Variants in SOX6 observed in about 807,000 individuals in gnomAD.
SOX6 encodes transcription factor SOX-6.
A neutral mutation model predicts 97.8 loss-of-function variants in SOX6; 11 were observed. The ratio of observed to expected loss-of-function variants is 0.11; its 90% CI spans 0.07 to 0.19. The LOEUF (loss-of-function observed/expected upper bound fraction) is 0.19. SOX6 is among the 10% of genes least tolerant of loss of function. The pLI is 1.00. For synonymous variants in SOX6, 360 were observed against 371.4 expected (o/e 0.97, Z 0.35); for missense variants, 810 against 1,039.5 (o/e 0.78, Z 3.04).
chr11:16,155,745 T>C (rs1419887250), intron 6 of SOX6, among the ~76,000 whole-genome samples: 1 of 152,142 alleles, frequency 6.6e-6, no homozygotes, highest in African/African-American at 2.4e-5. Flanking sequence ...TCTATTGCTT[T>C]CCCATGCCAT....
At chr11:16,717,271 G>A (rs1848225968) in intron 2 of SOX6, among the ~76,000 whole-genome samples, 1 of 152,088 alleles carries the variant, frequency 6.6e-6, no homozygotes, top group Non-Finnish European at 1.5e-5. Context: ...GGCTCTGTGA[G>A]AAGTTAGGTG....
At chr11:16,502,528 TA>T (rs931254559) in intron 4 of SOX6, among the ~76,000 whole-genome samples, 1 of 151,912 alleles carries the variant, frequency 6.6e-6, no homozygotes, top group African/African-American at 2.4e-5. Flanking sequence ...TAAATATCAT[TA>T]AAAAAATTCT....
At chr11:16,606,054 T>G (rs1459303392) in intron 4 of SOX6, 1 of 151,902 alleles carries the variant, frequency 6.6e-6, no homozygotes, top group East Asian at 1.9e-4. Flanking sequence ...TAAGGTCGAT[T>G]TACATGACCT....
intron 7 of SOX6, among the ~76,000 whole-genome samples, chr11:16,107,499 C>T (rs1422953346): frequency 6.7e-6 from 1 of 149,394 alleles, no homozygotes; most frequent in Non-Finnish European, 1.5e-5. Flanking sequence ...TATGGATGGA[C>T]CTTGAAATGT....
intron 2 of SOX6, among the ~76,000 whole-genome samples, chr11:16,332,002 G>A (rs764701880): frequency 3.9e-5 from 6 of 152,128 alleles, no homozygotes; most frequent in South Asian, 2.1e-4. Context: ...TTGACCTACC[G>A]TGTCATCCAA....
intron 1 of SOX6, among the ~76,000 whole-genome samples, chr11:16,378,855 C>A (rs1413940248): frequency 6.6e-6 from 1 of 151,886 alleles, no homozygotes; most frequent in Non-Finnish European, 1.5e-5. Context: ...ACTATTTTAG[C>A]ATATAAAGAC....
intron 3 of SOX6, among the ~76,000 whole-genome samples, chr11:16,662,825 A>T (rs1047264248): frequency 1.4e-4 from 22 of 152,076 alleles, no homozygotes; most frequent in African/African-American, 5.3e-4. Flanking sequence ...TCCTGAGTAG[A>T]TCTGACTAAA....
chr11:16,455,836 A>G (rs948047630), intron 1 of SOX6, among the ~76,000 whole-genome samples: 11 of 152,226 alleles, frequency 7.2e-5, no homozygotes, highest in Admixed American at 7.2e-4. Context: ...TGTATTTATT[A>G]CTATTAACAT....
At chr11:15,979,065 A>ATATATATAT (rs59143054) in intron 15 of SOX6, among the ~76,000 whole-genome samples, 6 of 140,600 alleles carry the variant, frequency 4.3e-5, no homozygotes, top group South Asian at 2.2e-4. Flanking sequence ...ATATATATAT[A>ATATATATAT]AAACTGCTTA....
At chr11:16,544,857 T>C (rs1847599197) in intron 4 of SOX6, among the ~76,000 whole-genome samples, 1 of 152,056 alleles carries the variant, frequency 6.6e-6, no homozygotes. Flanking sequence ...TAAAATGTAC[T>C]CCATATCTTG....
At chr11:16,737,862 T>C (rs1012168814) in intron 1 of SOX6, among the ~76,000 whole-genome samples, 1 of 152,120 alleles carries the variant, frequency 6.6e-6, no homozygotes, top group South Asian at 2.1e-4. Context: ...TTTTAAAAAA[T>C]GGTTAATTTT....
intron 4 of SOX6, among the ~76,000 whole-genome samples, chr11:16,528,311 A>G (rs913306725): frequency 6.6e-6 from 1 of 152,158 alleles, no homozygotes; most frequent in Non-Finnish European, 1.5e-5. Context: ...TGTGTTTTAC[A>G]TAAGTTATCT....
intron 1 of SOX6, among the ~76,000 whole-genome samples, chr11:16,461,661 C>T (rs1276679913): frequency 6.6e-6 from 1 of 152,120 alleles, no homozygotes; most frequent in African/African-American, 2.4e-5. Context: ...TCTCAGAGAA[C>T]ATGAAAAAGT....
At chr11:16,637,157 C>A (rs1459799248) in intron 3 of SOX6, among the ~76,000 whole-genome samples, 4 of 152,016 alleles carry the variant, frequency 2.6e-5, no homozygotes, top group Non-Finnish European at 4.4e-5. Context: ...CATTTATATT[C>A]TTAATTTATT....
chr11:16,734,574 C>A (rs767655519), intron 2 of SOX6, among the ~76,000 whole-genome samples: 13 of 152,114 alleles, frequency 8.5e-5, no homozygotes, highest in Admixed American at 5.9e-4. Flanking sequence ...TCCTTGTTGA[C>A]CCACCACCTC....
chr11:16,351,510 G>A (rs1590149693), intron 1 of SOX6, among the ~76,000 whole-genome samples: 1 of 151,978 alleles, frequency 6.6e-6, no homozygotes, highest in African/African-American at 2.4e-5. Flanking sequence ...CCACTCTCCT[G>A]ATCAAAAAAC....
At chr11:16,402,738 T>C (rs1858593832) in intron 1 of SOX6, 1 of 1,610,032 alleles carries the variant, frequency 6.2e-7, no homozygotes, top group Admixed American at 1.7e-5. Context: ...TCACCTGACT[T>C]AGGGGCTGGC....
intron 1 of SOX6, among the ~76,000 whole-genome samples, chr11:16,374,862 A>T (rs1318411004): frequency 6.6e-6 from 1 of 152,000 alleles, no homozygotes; most frequent in Non-Finnish European, 1.5e-5. Flanking sequence ...TCATATTCAC[A>T]TTCTCTCTTT....
intron 1 of SOX6, among the ~76,000 whole-genome samples, chr11:16,385,681 G>A (rs184306541): frequency 3.8e-4 from 58 of 152,150 alleles, no homozygotes; most frequent in Non-Finnish European, 7.4e-4. Context: ...CACAAGAGAC[G>A]CTAAGCTTTT....
Sources: gnomAD v4.1 joint callset for allele counts (sites outside exome capture counted in the v4.1 genomes callset) on GRCh38, gnomAD v4.1.1 for gene constraint, MANE v1.5 for transcripts, NCBI Gene and HGNC (gene_info 2026-07-23, HGNC 2026-07-21) for gene names.